Variants in MARF1 observed in about 807,000 individuals in gnomAD.
MARF1 encodes meiosis regulator and mRNA stability factor 1, also known as limkain-b1.
Under a neutral mutation model 168.2 loss-of-function variants are expected in MARF1, and 24 were observed. That is an observed-to-expected ratio of 0.14 (90% confidence interval 0.10 to 0.20). The LOEUF is 0.20. Among genes scored for constraint, MARF1 ranks in the 10% least tolerant of loss-of-function variants. The pLI, the probability that MARF1 is intolerant of heterozygous loss-of-function variation, is 1.00. For missense variants in MARF1, 1,744 were observed against 2,143.6 expected (o/e 0.81, Z 3.68); for synonymous variants, 868 against 822.4 (o/e 1.06, Z -0.95).
Position 15,596,803 on chromosome 16 carries a change from A to G in MARF1, c.5119T>C (p.Ser1707Pro), listed in dbSNP as rs1432095404. 6.2e-7 allele frequency: 1 copy of G among 1,614,024 alleles called. No homozygotes were observed. Among genetic ancestry groups the G allele is most frequent in the South Asian group, 1.1e-5 (1 of 91,068 alleles). Residue 1707 changes from serine (S) to proline (P), a missense_variant, in exon 27 of 27, where the codon TCC (serine) becomes CCC (proline). Physicochemically the swap from Ser to Pro is moderately conservative, Grantham distance 74 (BLOSUM62 -1). Coordinates refer to ENST00000396368, the MANE Select transcript of MARF1 (RefSeq NM_014647.4). ...GGGTCCTTGCTGAGCAGTGACTCGGAGGTTTCCGAGGAGGGGCAGGGAGGC... is the reference window on the plus strand; with the variant it reads ...GGGTCCTTGCTGAGCAGTGACTCGGGGGTTTCCGAGGAGGGGCAGGGAGGC... ...PVPPCPSSET[S>P]ESLLSKDPVE...
In MARF1 at chr16:15,609,505, T is replaced by C. The variant is rs777199095; in HGVS notation, c.3954+18A>G. On this transcript the variant is annotated intron_variant, in intron 20 of 26. Transcript: ENST00000396368. ...TGTTCAGAAAAATACTTTATAAAAT[T>C]AGAATTTCTTCACTCACTTGTAAAG... The C allele has an allele frequency of 6.3e-7, 1 of 1,590,206 alleles. No homozygotes were observed. Among genetic ancestry groups the C allele is most frequent in the Non-Finnish European group, 8.6e-7 (1 of 1,160,012 alleles).
chr16:15,627,018 GAA>G (rs1047598153), intron 7 of MARF1, among the ~76,000 whole-genome samples: 4 of 144,662 alleles, frequency 2.8e-5, no homozygotes, highest in African/African-American at 8.1e-5. Flanking sequence ...GAAAAAGAAA[GAA>G]AAGAGAGAGA....
Position 15,634,739 on chromosome 16 carries a change from T to C in MARF1, c.1006+18A>G, listed in dbSNP as rs1489851097. The C allele has an allele frequency of 1.2e-6, 2 of 1,603,688 alleles. No individual in the cohort carries two copies. The highest frequency in any genetic ancestry group is 1.7e-6 in the Non-Finnish European group (2 of 1,174,982). On this transcript the variant is annotated intron_variant, in intron 4 of 26. Transcript: ENST00000396368. The stretch of plus-strand genomic sequence containing the variant: ...AAGCTATTTAAATATGCACATTTTA[T>C]GCCATACTGTCATTTACCAAATTTT...
intron 26 of MARF1, among the ~76,000 whole-genome samples, chr16:15,598,069 G>T (rs1270352914): frequency 6.6e-6 from 1 of 152,314 alleles, no homozygotes. Flanking sequence ...GAGGAGTTGG[G>T]TTCCAACAGA....
At chr16:15,618,315 C>T (rs1459727373) in intron 13 of MARF1, among the ~76,000 whole-genome samples, 1 of 152,154 alleles carries the variant, frequency 6.6e-6, no homozygotes, top group South Asian at 2.1e-4. Context: ...ACCAAACCAG[C>T]CCCTGGTCCT....
rs1036315476 is a variant in MARF1, at chr16:15,608,375, T to C, written c.4098A>G (p.Lys1366=). ...GGAGACGAAATGTATAACCAAAAGT[T>C]TTAGCATATTCTGTAAGGAGATCTG... The part of the protein sequence containing the change: ...MMTDLLTEYA[K]TFGYTFRLQD... Residue 1366 remains lysine, a synonymous_variant, in exon 21 of 27, where the codon AAA becomes AAG. Transcript: ENST00000396368. The C allele has an allele frequency of 1.6e-5, 26 of 1,613,974 alleles. No homozygotes were observed. The highest frequency in any genetic ancestry group is 2.1e-5 in the Non-Finnish European group (25 of 1,179,996).
At chr16:15,634,639 C>G in intron 4 of MARF1, 118 bp downstream of exon 4, 1 of 951,902 alleles carries the variant, frequency 1.1e-6, no homozygotes, top group Non-Finnish European at 1.6e-6. Flanking sequence ...ATTGGAGACT[C>G]ACATACACAG....
intron 18 of MARF1, among the ~76,000 whole-genome samples, chr16:15,611,331 C>T (rs1324226949): frequency 2.6e-5 from 4 of 151,294 alleles, no homozygotes; most frequent in South Asian, 2.1e-4. Flanking sequence ...TGGTGGCGGG[C>T]GCCTGTAGTC....
chr16:15,601,764 A>T lies in MARF1; in HGVS notation c.4626+227T>A. On this transcript the variant is annotated intron_variant, in intron 23 of 26. Coordinates refer to ENST00000396368, the MANE Select transcript of MARF1 (RefSeq NM_014647.4). The stretch of plus-strand genomic sequence containing the variant: ...TTAACCAACACCTTTCTAGAGTTAC[A>T]GCCTGAAACTTACTCACCTGGCATA... 1.0e-5 allele frequency: 6 copies of T among 593,616 alleles called. No homozygotes were observed. The South Asian group carries it at 1.2e-4, about 12-fold the overall frequency. 36.8% of individuals were successfully genotyped at this position (593,616 alleles called of 1,614,324 possible). A position where few individuals can be genotyped will look rare whatever the true frequency, so the allele number is the denominator to read the frequency against.
chr16:15,639,316 G>A lies in MARF1; in HGVS notation c.-58-25C>T, dbSNP rs1207581744. The A allele has an allele frequency of 2.0e-6, 3 of 1,465,212 alleles. No individual in the cohort carries two copies. In the South Asian group the frequency reaches 4.0e-5, roughly 19 times the overall value. The allele number at this position is 1,465,212 out of a possible 1,614,324, so 90.8% of individuals were successfully genotyped here. On this transcript the variant is annotated intron_variant, in intron 1 of 26. Transcript: ENST00000396368. ...CCTGTTAAGAATGAGTAAGATTTCA[G>A]TGTTATTTCCTTGCATAAGTACAAA...
At chr16:15,598,825 A>G in intron 26 of MARF1, 29 bp downstream of exon 26, 1 of 1,611,282 alleles carries the variant, frequency 6.2e-7, no homozygotes. Context: ...CCCCGAAGAA[A>G]ATCCCCATGA....
chr16:15,625,328 C>A, intron 8 of MARF1, 44 bp downstream of exon 8: 2 of 1,562,872 alleles, frequency 1.3e-6, no homozygotes, highest in Non-Finnish European at 1.7e-6. Flanking sequence ...AGAAACAAAC[C>A]AAACCTACCA....
chr16:15,623,057 G>A lies in MARF1; in HGVS notation c.2337C>T (p.Ser779=), dbSNP rs201920311. 195 of 1,610,650 alleles carry A rather than the reference G, an allele frequency of 1.2e-4. 1 individual carries two copies. In the African/African-American group the frequency reaches 2.2e-3, roughly 18 times the overall value. ...CAAATGGGTCTGGGCAGTCGGCTTC[G>A]CTGCTCGAATTTGCAATGTTGAAAG... ...PLAFNIANSS[S]EADCPDPFAN... Residue 779 remains serine, a synonymous_variant, in exon 11 of 27, where the codon AGC becomes AGT. Coordinates refer to ENST00000396368, the MANE Select transcript of MARF1 (RefSeq NM_014647.4).
Position 15,635,819 on chromosome 16 carries a change from T to C in MARF1, c.668A>G (p.Tyr223Cys), listed in dbSNP as rs771691913. Reference sequence around the variant, plus strand: ...GCTTGTGAAATCAGAACAGGGGAAATAGCCAGCGGAGGTGCAGCCCTGCAG... The same window carrying C: ...GCTTGTGAAATCAGAACAGGGGAAACAGCCAGCGGAGGTGCAGCCCTGCAG... ...PSLQGCTSAG[Y>C]FPCSDFTSGA... The change falls in exon 3 of 27, where the codon TAT becomes TGT. Residue 223 changes from tyrosine (Y) to cysteine (C), a missense_variant. By Grantham distance (194) the Tyr-to-Cys change is radical. This residue lies in a region of MARF1 where 318 missense variants were observed against 336.6 expected (regional missense o/e 0.94). Transcript: ENST00000396368. The C allele has an allele frequency of 2.4e-5, 38 of 1,614,006 alleles. No individual in the cohort carries two copies. Among genetic ancestry groups the C allele is most frequent in the African/African-American group, 2.7e-5 (2 of 74,902 alleles).
chr16:15,639,258 T>C lies in MARF1; in HGVS notation c.-25A>G, dbSNP rs1461779223. The C allele has an allele frequency of 6.3e-7, 1 of 1,596,632 alleles. No homozygotes were observed. The highest frequency in any genetic ancestry group is 8.5e-7 in the Non-Finnish European group (1 of 1,171,278). The stretch of plus-strand genomic sequence containing the variant: ...TACAGCCATGCAAAGTGATTCAACA[T>C]CCTTTCATCTTTCTTTTCTTTCATT... On this transcript the variant is annotated 5_prime_UTR_variant, in exon 2 of 27. The change abolishes an upstream ATG in the 5' untranslated region. Transcript: ENST00000396368.
chr16:15,630,598 A>C, intron 6 of MARF1, 94 bp from the exon 7 acceptor site: 1 of 1,187,170 alleles, frequency 8.4e-7, no homozygotes, highest in Non-Finnish European at 1.1e-6. Flanking sequence ...AGAAGAAAGG[A>C]AAGGCTGGAC....
At chr16:15,610,847 C>T in intron 19 of MARF1, 128 bp downstream of exon 19, 2 of 880,414 alleles carry the variant, frequency 2.3e-6, no homozygotes, top group Admixed American at 4.6e-5. Flanking sequence ...CAGCAGTTTT[C>T]ACACTGTGCT....
chr16:15,596,165 C>T lies in MARF1; in HGVS notation c.*528G>A, dbSNP rs1044742369. 3 of 152,718 alleles carry T rather than the reference C, an allele frequency of 2.0e-5. No individual in the cohort carries two copies. The highest frequency in any genetic ancestry group is 2.9e-5 in the Non-Finnish European group (2 of 68,082). 9.5% of individuals were successfully genotyped at this position (152,718 alleles called of 1,614,324 possible). ...CTTCACATTCCAACCTGAAAATACA[C>T]TCCGAACCCCTCGCCTACCCTTCTC... On this transcript the variant is annotated 3_prime_UTR_variant, in exon 27 of 27. Coordinates refer to ENST00000396368, the MANE Select transcript of MARF1 (RefSeq NM_014647.4).
intron 7 of MARF1, among the ~76,000 whole-genome samples, chr16:15,626,217 C>A (rs985976778): frequency 6.6e-6 from 1 of 152,118 alleles, no homozygotes; most frequent in African/African-American, 2.4e-5. Context: ...TACAAATCTA[C>A]AGAGACAGAA....
Sources: allele counts gnomAD v4.1 joint callset (sites outside exome capture counted in the v4.1 genomes callset), GRCh38; gene constraint gnomAD v4.1.1; regional missense constraint gnomAD v4.1.1; transcripts MANE v1.5; gene names NCBI Gene and HGNC (gene_info 2026-07-23, HGNC 2026-07-21).